Variants in UQCRFS1 observed in about 807,000 individuals in gnomAD.
UQCRFS1 encodes cytochrome b-c1 complex subunit Rieske, mitochondrial.
UQCRFS1 carries 6 observed loss-of-function variants against 15.6 expected under a neutral mutation model. The ratio of observed to expected loss-of-function variants is 0.38; its 90% CI spans 0.21 to 0.76. The LOEUF (loss-of-function observed/expected upper bound fraction) is 0.76. Ranked by LOEUF, UQCRFS1 falls within the 30% of genes least tolerant of loss-of-function variation. The pLI, the probability that UQCRFS1 is intolerant of heterozygous loss-of-function variation, is 0.44. For missense variants in UQCRFS1, 203 were observed against 366.7 expected, an observed-to-expected ratio of 0.55 and a Z score of 3.65; for synonymous variants, 105 against 154.3, an observed-to-expected ratio of 0.68 and a Z score of 2.37.
At chr19:29,210,439 C>T (rs139085752) in intron 1 of UQCRFS1, among the ~76,000 whole-genome samples, 1,639 of 151,832 alleles carry the variant, frequency 0.011, 31 homozygotes, top group African/African-American at 0.038. Flanking sequence ...TATACATGTG[C>T]CATGCTGGTG....
chr19:29,206,065 C>T lies in UQCRFS1; in HGVS notation c.*1483G>A, dbSNP rs1002669205. On this transcript the variant is annotated 3_prime_UTR_variant, in exon 2 of 2. Transcript: ENST00000304863. The stretch of plus-strand genomic sequence containing the variant: ...GGTGCTGTTGACATTTTTGGCAGCA[C>T]AGGTTTTTTAGTGTGTGGACCTGTG... 6.6e-6 allele frequency: 1 copy of T among 152,144 alleles called. No individual in the cohort carries two copies. Among genetic ancestry groups the T allele is most frequent in the African/African-American group, 2.4e-5 (1 of 41,430 alleles). 9.4% of individuals were successfully genotyped at this position (152,144 alleles called of 1,614,324 possible).
At chr19:29,210,243 C>CA (rs1179981028) in intron 1 of UQCRFS1, among the ~76,000 whole-genome samples, 3 of 152,172 alleles carry the variant, frequency 2.0e-5, no homozygotes, top group African/African-American at 7.2e-5. Flanking sequence ...ACCATCTAGA[C>CA]AGACTATAAT....
rs183004194 is a variant in UQCRFS1 at position 29,210,132 on chromosome 19, G to A, written c.215-1974C>T. Among the ~76,000 whole-genome samples, 4 of 152,260 alleles carry A rather than the reference G, an allele frequency of 2.6e-5. No homozygotes were observed. The East Asian group carries it at 7.7e-4, about 29-fold the overall frequency. On this transcript the variant is annotated intron_variant, in intron 1 of 1. Transcript: ENST00000304863. The stretch of plus-strand genomic sequence containing the variant: ...TTTTATTTTAAGGTTGAGCTCCAAT[G>A]CGCCTTGGAAATCTGCATGAAAATA...
chr19:29,209,570 G>A (rs1419942630), intron 1 of UQCRFS1, among the ~76,000 whole-genome samples: 2 of 152,100 alleles, frequency 1.3e-5, no homozygotes, highest in Admixed American at 1.3e-4. Context: ...AGAAGACCAG[G>A]ACACAGATAA....
chr19:29,212,871 C>G (rs1002057064), intron 1 of UQCRFS1, 34 bp downstream of exon 1: 2 of 1,419,050 alleles, frequency 1.4e-6, no homozygotes, highest in South Asian at 2.9e-5. Context: ...CCGAGAGACC[C>G]CCAGCCCTGC....
chr19:29,211,590 G>A (rs1158304539), intron 1 of UQCRFS1, among the ~76,000 whole-genome samples: 1 of 152,230 alleles, frequency 6.6e-6, no homozygotes, highest in Non-Finnish European at 1.5e-5. Context: ...TTAAGCCCAA[G>A]GGTGGAGGAG....
intron 1 of UQCRFS1, among the ~76,000 whole-genome samples, 154 bp from the exon 2 acceptor site, chr19:29,208,312 T>A (rs959120502): frequency 6.6e-6 from 1 of 152,222 alleles, no homozygotes; most frequent in Non-Finnish European, 1.5e-5. Context: ...ATAGTCAAAT[T>A]GGCGGTGCTA....
At chr19:29,208,202 T>A in intron 1 of UQCRFS1, 44 bp from the exon 2 acceptor site, 6 of 1,552,670 alleles carry the variant, frequency 3.9e-6, no homozygotes, top group African/African-American at 1.4e-5. Context: ...TAGATGAGTA[T>A]CCCGAAGGGA....
chr19:29,209,300 T>C (rs1449928310), intron 1 of UQCRFS1, among the ~76,000 whole-genome samples: 1 of 152,198 alleles, frequency 6.6e-6, no homozygotes, highest in Non-Finnish European at 1.5e-5. Context: ...AATTCCTCTT[T>C]TAGAAAATGT....
At chr19:29,210,925 G>C (rs1976639804) in intron 1 of UQCRFS1, among the ~76,000 whole-genome samples, 1 of 151,870 alleles carries the variant, frequency 6.6e-6, no homozygotes, top group Admixed American at 6.6e-5. Flanking sequence ...GATCCCTGAG[G>C]AATCTCCACA....
chr19:29,209,890 A>C (rs1976626812), intron 1 of UQCRFS1, among the ~76,000 whole-genome samples: 1 of 152,150 alleles, frequency 6.6e-6, no homozygotes, highest in African/African-American at 2.4e-5. Flanking sequence ...TTGGTGGCAA[A>C]AGTCTCCTCC....
rs1417409277 is a variant in UQCRFS1 at position 29,205,925 on chromosome 19, G to C, written c.*1623C>G. On this transcript the variant is annotated 3_prime_UTR_variant, in exon 2 of 2. Coordinates refer to ENST00000304863, the MANE Select transcript of UQCRFS1 (RefSeq NM_006003.3). ...ATATAGCAATTCCGGCACTAAGTGA[G>C]TACCTAGAGACCTGCAAACTTCCTA... 1 of 152,172 alleles carries C rather than the reference G, an allele frequency of 6.6e-6. No individual in the cohort carries two copies. The highest frequency in any genetic ancestry group is 1.5e-5 in the Non-Finnish European group (1 of 68,034). 9.4% of individuals were successfully genotyped at this position (152,172 alleles called of 1,614,324 possible). A position where few individuals can be genotyped will look rare whatever the true frequency, so the allele number is the denominator to read the frequency against.
Position 29,208,133 on chromosome 19 carries a change from G to A in UQCRFS1, c.240C>T (p.His80=). 6.2e-7 allele frequency: 1 copy of A among 1,611,706 alleles called. No individual in the cohort carries two copies. Among genetic ancestry groups the A allele is most frequent in the Non-Finnish European group, 8.5e-7 (1 of 1,179,188 alleles). Residue 80 remains histidine, a synonymous_variant, in exon 2 of 2, where the codon CAC becomes CAT. Transcript: ENST00000304863. ...LNVPASVCYS[H]TDIKVPDFSE... ...AGAAGTCAGGCACCTTGATGTCTGTGTGGGAATAACAAACAGAAGCAGGGA... is the reference window on the plus strand; with the variant it reads ...AGAAGTCAGGCACCTTGATGTCTGTATGGGAATAACAAACAGAAGCAGGGA...
intron 1 of UQCRFS1, among the ~76,000 whole-genome samples, chr19:29,210,809 C>G (rs1165065910): frequency 2.6e-5 from 4 of 152,040 alleles, no homozygotes; most frequent in Non-Finnish European, 5.9e-5. Context: ...GAATAGTGCC[C>G]CAATAAACAT....
rs1189979242 is a variant in UQCRFS1 at position 29,207,528 on chromosome 19, A to G, written c.*20T>C. 1.3e-6 allele frequency: 2 copies of G among 1,573,298 alleles called. No individual in the cohort carries two copies. Among genetic ancestry groups the G allele is most frequent in the East Asian group, 4.5e-5 (2 of 44,390 alleles). On this transcript the variant is annotated 3_prime_UTR_variant, in exon 2 of 2. Coordinates refer to ENST00000304863, the MANE Select transcript of UQCRFS1 (RefSeq NM_006003.3). ...GTGACATAAAGACTGAAAGAAGCCT[A>G]TGACTTGAGTCCAAGTCTCTTAACC...
rs545551926 is a variant in UQCRFS1, at chr19:29,212,808, G to T, written c.214+97C>A. The T allele has an allele frequency of 7.9e-6, 10 of 1,262,462 alleles. No homozygotes were observed. The East Asian group carries it at 2.9e-4, about 36-fold the overall frequency. 78.2% of individuals were successfully genotyped at this position (1,262,462 alleles called of 1,614,324 possible). On this transcript the variant is annotated intron_variant, in intron 1 of 1. Transcript: ENST00000304863. Reference sequence around the variant, plus strand: ...GGCCGCCCAGCCCGACCTGATTCAGGCTCCGCTCGCGCGCCCGCGGCCGCT... The same window carrying T: ...GGCCGCCCAGCCCGACCTGATTCAGTCTCCGCTCGCGCGCCCGCGGCCGCT...
intron 1 of UQCRFS1, among the ~76,000 whole-genome samples, chr19:29,212,053 C>A (rs1976658551): frequency 6.6e-6 from 1 of 152,170 alleles, no homozygotes; most frequent in African/African-American, 2.4e-5. Context: ...TTTTTGAAAA[C>A]TACACAGCCT....
In UQCRFS1 at chr19:29,206,595, T is replaced by C. The variant is rs1193022438; in HGVS notation, c.*953A>G. On this transcript the variant is annotated 3_prime_UTR_variant, in exon 2 of 2. Coordinates refer to ENST00000304863, the MANE Select transcript of UQCRFS1 (RefSeq NM_006003.3). Reference sequence around the variant, plus strand: ...AGGCAGAATAGGATGTGAATTCCGATGTGCTCTGCGTCTGGTTCCACACCA... The same window carrying C: ...AGGCAGAATAGGATGTGAATTCCGACGTGCTCTGCGTCTGGTTCCACACCA... The C allele has an allele frequency of 1.3e-5, 2 of 152,238 alleles. No individual in the cohort carries two copies. Among genetic ancestry groups the C allele is most frequent in the African/African-American group, 4.8e-5 (2 of 41,466 alleles). 9.4% of individuals were successfully genotyped at this position (152,238 alleles called of 1,614,324 possible).
chr19:29,211,681 T>C (rs7257099), intron 1 of UQCRFS1, among the ~76,000 whole-genome samples: 1,856 of 152,336 alleles, frequency 0.012, 32 homozygotes, highest in African/African-American at 0.043. Context: ...TTTATTCACC[T>C]GATCCTTAAC....
Sources: allele counts gnomAD v4.1 joint callset (sites outside exome capture counted in the v4.1 genomes callset), GRCh38; gene constraint gnomAD v4.1.1; transcripts MANE v1.5; gene names NCBI Gene and HGNC (gene_info 2026-07-23, HGNC 2026-07-21).